The following SOX5 variants were observed in gnomAD, a reference collection of about 807,000 sequenced individuals.
SOX5 encodes the protein SRY-box transcription factor 5, also known as transcription factor SOX-5.
A neutral mutation model predicts 92.0 loss-of-function variants in SOX5; 9 were observed. The ratio of observed to expected loss-of-function variants is 0.10; its 90% CI spans 0.06 to 0.17. SOX5 has a LOEUF of 0.17. SOX5 is among the 10% of genes least tolerant of loss of function. SOX5 has a pLI of 1.00. For missense variants in SOX5, 642 were observed against 944.5 expected, an observed-to-expected ratio of 0.68 and a Z score of 4.20; for synonymous variants, 344 against 336.3, an observed-to-expected ratio of 1.02 and a Z score of -0.25.
At chr12:23,793,820 A>G (rs941296331) in intron 3 of SOX5, among the ~76,000 whole-genome samples, 1 of 152,164 alleles carries the variant, frequency 6.6e-6, no homozygotes, top group African/African-American at 2.4e-5. Flanking sequence ...GCAGGCATTC[A>G]CTCTTGAGGT....
chr12:23,922,345 T>C (rs1938547486), intron 1 of SOX5, among the ~76,000 whole-genome samples: 1 of 152,264 alleles, frequency 6.6e-6, no homozygotes, highest in South Asian at 2.1e-4. Context: ...AGAATTTCAC[T>C]ATGATTCTTC....
intron 4 of SOX5, among the ~76,000 whole-genome samples, chr12:24,049,637 A>AGTTT (rs1569523241): frequency 1.0e-5 from 1 of 99,280 alleles, no homozygotes; most frequent in African/African-American, 4.7e-5. Flanking sequence ...AATCCTTCAT[A>AGTTT]GTTTTTTTTT....
intron 6 of SOX5, among the ~76,000 whole-genome samples, chr12:23,699,909 G>C (rs564970550): frequency 2.6e-5 from 4 of 152,140 alleles, no homozygotes; most frequent in Admixed American, 2.6e-4. Context: ...TACTTTACAG[G>C]GTCCCTCTAG....
At chr12:23,691,278 T>C (rs1161198247) in intron 6 of SOX5, among the ~76,000 whole-genome samples, 3 of 152,240 alleles carry the variant, frequency 2.0e-5, no homozygotes, top group Non-Finnish European at 4.4e-5. Context: ...CACACTATTA[T>C]TTTCTGTCTT....
chr12:24,397,573 G>A (rs1485760897), intron 1 of SOX5, among the ~76,000 whole-genome samples: 2 of 151,868 alleles, frequency 1.3e-5, no homozygotes, highest in Non-Finnish European at 2.9e-5. Context: ...TTATTCTGTG[G>A]ATATATGTGT....
intron 2 of SOX5, among the ~76,000 whole-genome samples, chr12:24,338,144 T>C (rs1195391391): frequency 6.6e-6 from 1 of 152,190 alleles, no homozygotes; most frequent in Non-Finnish European, 1.5e-5. Context: ...CCCAGTATCA[T>C]TGACTAATTT....
At chr12:23,738,177 C>G (rs181052902) in intron 5 of SOX5, among the ~76,000 whole-genome samples, 4 of 152,206 alleles carry the variant, frequency 2.6e-5, no homozygotes, top group Non-Finnish European at 5.9e-5. Context: ...AAAGGCTCAT[C>G]AGTAAACAGG....
At chr12:24,380,994 G>A (rs1057284066) in intron 1 of SOX5, among the ~76,000 whole-genome samples, 1 of 152,176 alleles carries the variant, frequency 6.6e-6, no homozygotes, top group Non-Finnish European at 1.5e-5. Flanking sequence ...AACAAATTAA[G>A]TGCAGACTTT....
chr12:23,599,922 C>G (rs1280321957), intron 9 of SOX5, among the ~76,000 whole-genome samples: 1 of 152,104 alleles, frequency 6.6e-6, no homozygotes, highest in Non-Finnish European at 1.5e-5. Context: ...GTCATCTAGT[C>G]TCTTAAAAGA....
intron 1 of SOX5, among the ~76,000 whole-genome samples, chr12:24,495,859 C>T (rs908785593): frequency 1.3e-5 from 2 of 152,034 alleles, no homozygotes; most frequent in Admixed American, 6.6e-5. Flanking sequence ...AGCTCAGTTC[C>T]GAGAGAGTCC....
intron 1 of SOX5, among the ~76,000 whole-genome samples, chr12:24,479,598 A>G (rs564597217): frequency 9.2e-5 from 14 of 152,358 alleles, no homozygotes. Flanking sequence ...TTTCAATAAA[A>G]ATAAACGAAA....
At chr12:23,876,570 C>T (rs10771039) in intron 2 of SOX5, among the ~76,000 whole-genome samples, 103,007 of 152,034 alleles carry the variant, frequency 0.68, 35,025 homozygotes, top group East Asian at 0.88. Flanking sequence ...GACAGTGTGG[C>T]GATTCCTCAA....
At chr12:24,328,045 C>T (rs1595623549) in intron 2 of SOX5, among the ~76,000 whole-genome samples, 1 of 152,246 alleles carries the variant, frequency 6.6e-6, no homozygotes, top group Non-Finnish European at 1.5e-5. Flanking sequence ...ATCCTCTAAC[C>T]AAACCTCAGT....
intron 3 of SOX5, among the ~76,000 whole-genome samples, chr12:24,242,412 T>C (rs1965708514): frequency 6.6e-6 from 1 of 152,196 alleles, no homozygotes; most frequent in African/African-American, 2.4e-5. Context: ...CTAAAGCAAA[T>C]GTTTCAATGT....
intron 2 of SOX5, among the ~76,000 whole-genome samples, chr12:24,365,974 T>C (rs1956130533): frequency 6.6e-6 from 1 of 152,154 alleles, no homozygotes; most frequent in Admixed American, 6.5e-5. Flanking sequence ...ACTTGTTACA[T>C]ATTATCCTCA....
intron 4 of SOX5, among the ~76,000 whole-genome samples, chr12:24,111,651 A>G (rs1947358532): frequency 6.6e-6 from 1 of 152,266 alleles, no homozygotes; most frequent in South Asian, 2.1e-4. Context: ...GATGTTCCTT[A>G]TGTATGAATC....
intron 1 of SOX5, among the ~76,000 whole-genome samples, chr12:24,498,471 CACCATTAA>C (rs1243678842): frequency 1.3e-5 from 2 of 152,102 alleles, no homozygotes; most frequent in Admixed American, 1.3e-4. Context: ...TGAGCTTGGC[CACCATTAA>C]ATAGGAGTGT....
At chr12:24,131,709 T>C (rs73277220) in intron 4 of SOX5, among the ~76,000 whole-genome samples, 135 of 152,338 alleles carry the variant, frequency 8.9e-4, no homozygotes, top group African/African-American at 3.2e-3. Flanking sequence ...TTAGGAATTA[T>C]GAACTATGTG....
At chr12:23,540,421 A>G (rs976707574) in intron 13 of SOX5, among the ~76,000 whole-genome samples, 5 of 150,696 alleles carry the variant, frequency 3.3e-5, no homozygotes, top group East Asian at 1.9e-4. Context: ...GAGAAGGACA[A>G]TTGGGTTTTC....
Sources: gnomAD v4.1 joint callset for allele counts (sites outside exome capture counted in the v4.1 genomes callset) on GRCh38, gnomAD v4.1.1 for gene constraint, MANE v1.5 for transcripts, NCBI Gene and HGNC (gene_info 2026-07-23, HGNC 2026-07-21) for gene names.